The following ZMIZ1 variants were observed in gnomAD, a reference collection of about 807,000 sequenced individuals.
ZMIZ1 encodes the protein zinc finger MIZ domain-containing protein 1.
A neutral mutation model predicts 113.9 loss-of-function variants in ZMIZ1; 17 were observed. The ratio of observed to expected loss-of-function variants is 0.15; its 90% CI spans 0.10 to 0.22. The LOEUF is 0.22. Ranked by LOEUF, ZMIZ1 falls within the 10% of genes least tolerant of loss-of-function variation. The pLI, the probability that ZMIZ1 is intolerant of heterozygous loss-of-function variation, is 1.00. For missense variants in ZMIZ1, 1,059 were observed against 1,477.8 expected, an observed-to-expected ratio of 0.72 and a Z score of 4.65; for synonymous variants, 607 against 603.1, an observed-to-expected ratio of 1.01 and a Z score of -0.09.
At chr10:79,154,390 G>A (rs935083152) in intron 3 of ZMIZ1, among the ~76,000 whole-genome samples, 3 of 152,132 alleles carry the variant, frequency 2.0e-5, no homozygotes, top group African/African-American at 7.2e-5. Flanking sequence ...GTGCCCTCTA[G>A]GGCAGCCCTC....
At chr10:79,302,263 G>A (rs1854355181) in intron 18 of ZMIZ1, 51 bp downstream of exon 18, 2 of 1,567,790 alleles carry the variant, frequency 1.3e-6, no homozygotes, top group Non-Finnish European at 1.7e-6. Flanking sequence ...CCCCGCCTGA[G>A]TTTGGGACTG....
chr10:79,277,413 C>T (rs1852369656), intron 8 of ZMIZ1, 88 bp downstream of exon 8: 1 of 1,447,740 alleles, frequency 6.9e-7, no homozygotes, highest in Non-Finnish European at 9.1e-7. Context: ...GGGTGGGGGC[C>T]TCTGTGCAAC....
rs546047200 is a variant in ZMIZ1 at position 79,173,969 on chromosome 10, A to G, written c.-50+11836A>G. On this transcript the variant is annotated intron_variant, in intron 4 of 24. Transcript: ENST00000334512. ...CAGAAAGATCAGGGAAGCTTCTTGG[A>G]GGGCATGTCAGAATTTGTTTCCGAT... is the stretch of plus-strand genomic sequence containing the variant. Among the ~76,000 whole-genome samples, 67 of 152,292 alleles carry G rather than the reference A, an allele frequency of 4.4e-4. 1 individual carries two copies. The highest frequency in any genetic ancestry group is 1.5e-3 in the African/African-American group (64 of 41,560).
intron 18 of ZMIZ1, among the ~76,000 whole-genome samples, chr10:79,302,972 C>T (rs957520131): frequency 2.0e-5 from 3 of 151,846 alleles, no homozygotes; most frequent in African/African-American, 7.3e-5. Flanking sequence ...CGCCATTCTC[C>T]TGCCTCAGCC....
At chr10:79,134,096 C>T (rs1844889559) in intron 2 of ZMIZ1, among the ~76,000 whole-genome samples, 1 of 152,134 alleles carries the variant, frequency 6.6e-6, no homozygotes, top group Non-Finnish European at 1.5e-5. Context: ...ACTTGAGGCC[C>T]CTGATCAGAT....
At position 79,139,678 on chromosome 10, in the gene ZMIZ1, C is replaced by T; in HGVS notation, c.-226-4C>T. 2.5e-6 allele frequency: 1 copy of T among 398,796 alleles called. No individual in the cohort carries two copies. The highest frequency in any genetic ancestry group is 4.4e-6 in the Non-Finnish European group (1 of 226,104). The allele number at this position is 398,796 out of a possible 1,614,324, so 24.7% of individuals were successfully genotyped here. ...CACGTCTCATCTCTCCCCTGTGTAC[C>T]CAGGAGGAAGAGGAGGAGGCCCGTT... On this transcript the variant is annotated splice_polypyrimidine_tract_variant and splice_region_variant and intron_variant, in intron 2 of 24. Coordinates refer to ENST00000334512, the MANE Select transcript of ZMIZ1 (RefSeq NM_020338.4).
At chr10:79,102,503 C>T (rs1373333510) in intron 1 of ZMIZ1, among the ~76,000 whole-genome samples, 3 of 152,204 alleles carry the variant, frequency 2.0e-5, no homozygotes, top group Non-Finnish European at 4.4e-5. Flanking sequence ...CAAGGCTGCC[C>T]AGGGCCAGGA....
chr10:79,114,494 CGTGTGTGTGT>C (rs369818551), intron 1 of ZMIZ1, among the ~76,000 whole-genome samples: 1 of 114,418 alleles, frequency 8.7e-6, no homozygotes, highest in Non-Finnish European at 1.8e-5. Context: ...TGTGTGTGTG[CGTGTGTGTGT>C]GCGTGTGTGT....
chr10:79,105,819 C>T (rs1317213176), intron 1 of ZMIZ1, among the ~76,000 whole-genome samples: 2 of 152,174 alleles, frequency 1.3e-5, no homozygotes, highest in Non-Finnish European at 2.9e-5. Flanking sequence ...AAGCTAATGG[C>T]AGTTTCGATG....
rs1193011255 is a variant in ZMIZ1 at position 79,312,672 on chromosome 10, C to T, written c.3127C>T (p.Leu1043Phe). Reference sequence around the variant, plus strand: ...TCCCGAACTCACAAATCCTGACGAGCTCCTGTCTTATCTGGACCCCCCCGA... The same window carrying T: ...TCCCGAACTCACAAATCCTGACGAGTTCCTGTCTTATCTGGACCCCCCCGA... ...LLPELTNPDE[L>F]LSYLDPPDLP... is the part of the protein sequence containing the mutation. Residue 1043 changes from leucine (L) to phenylalanine (F), a missense_variant, in exon 25 of 25, where the codon CTC (leucine) becomes TTC (phenylalanine). Coordinates refer to ENST00000334512, the MANE Select transcript of ZMIZ1 (RefSeq NM_020338.4). The T allele has an allele frequency of 6.2e-7, 1 of 1,614,238 alleles. No individual in the cohort carries two copies. The highest frequency in any genetic ancestry group is 1.1e-5 in the South Asian group (1 of 91,084).
At chr10:79,110,820 G>C (rs1048123205) in intron 1 of ZMIZ1, among the ~76,000 whole-genome samples, 14 of 152,228 alleles carry the variant, frequency 9.2e-5, no homozygotes, top group African/African-American at 2.9e-4. Flanking sequence ...TTTCACCATA[G>C]TTCCTCTAAG....
At chr10:79,080,637 G>A (rs1842629819) in intron 1 of ZMIZ1, among the ~76,000 whole-genome samples, 1 of 152,126 alleles carries the variant, frequency 6.6e-6, no homozygotes, top group South Asian at 2.1e-4. Context: ...TTGGTGTTTG[G>A]CGATGGGGCT....
intron 3 of ZMIZ1, among the ~76,000 whole-genome samples, chr10:79,161,420 A>G (rs978867522): frequency 4.6e-5 from 7 of 152,064 alleles, no homozygotes; most frequent in African/African-American, 1.7e-4. Context: ...TGCATCTGCT[A>G]CACCACAGAC....
chr10:79,175,427 G>C (rs1010607676), intron 4 of ZMIZ1, among the ~76,000 whole-genome samples: 1 of 152,152 alleles, frequency 6.6e-6, no homozygotes, highest in African/African-American at 2.4e-5. Flanking sequence ...CTGGCATCGT[G>C]TCTCTCACTT....
At chr10:79,301,773 G>GAGGGATGAGCACCCTGGC (rs1487376541) in intron 17 of ZMIZ1, among the ~76,000 whole-genome samples, 1 of 152,134 alleles carries the variant, frequency 6.6e-6, no homozygotes, top group Non-Finnish European at 1.5e-5. Flanking sequence ...GGAGTGAAGG[G>GAGGGATGAGCACCCTGGC]AGGGATGAGC....
chr10:79,073,532 C>T (rs954704848), intron 1 of ZMIZ1, among the ~76,000 whole-genome samples: 2 of 152,332 alleles, frequency 1.3e-5, no homozygotes. Flanking sequence ...TGCAAATCCA[C>T]ACCTCCTGAC....
At chr10:79,264,581 G>T (rs1188540142) in intron 7 of ZMIZ1, among the ~76,000 whole-genome samples, 1 of 152,208 alleles carries the variant, frequency 6.6e-6, no homozygotes, top group Non-Finnish European at 1.5e-5. Flanking sequence ...AGATGACAGA[G>T]GCCAGCCTTG....
rs1844152244 is a variant in ZMIZ1, at chr10:79,118,463, G to A, written c.-336-452G>A. Among the ~76,000 whole-genome samples the A allele has an allele frequency of 6.6e-6, 1 of 152,160 alleles. No individual in the cohort carries two copies. Among genetic ancestry groups the A allele is most frequent in the African/African-American group, 2.4e-5 (1 of 41,454 alleles). On this transcript the variant is annotated intron_variant, in intron 1 of 24. Transcript: ENST00000334512. This position sits in a 1 kb window ranked among gnomAD's most constrained non-coding sequence, Gnocchi z 4.1. ...GCCAGGCGCACAGCCCACTGGAGAT[G>A]AACAAGCAAGGAGGGGCTGGTGAGA... is the stretch of plus-strand genomic sequence containing the variant.
intron 1 of ZMIZ1, among the ~76,000 whole-genome samples, chr10:79,089,433 C>A (rs541612683): frequency 6.6e-6 from 1 of 152,200 alleles, no homozygotes; most frequent in Non-Finnish European, 1.5e-5. Context: ...GTGCCTTCTC[C>A]GGTTTGCTCT....
Sources: allele counts gnomAD v4.1 joint callset (sites outside exome capture counted in the v4.1 genomes callset), GRCh38; gene constraint gnomAD v4.1.1; non-coding constraint Gnocchi (gnomAD v3.1); transcripts MANE v1.5; gene names NCBI Gene and HGNC (gene_info 2026-07-23, HGNC 2026-07-21).